Variants in ADAMTSL1 observed in about 807,000 individuals in gnomAD.
ADAMTSL1 encodes the protein ADAMTS like 1.
Under a neutral mutation model 201.8 loss-of-function variants are expected in ADAMTSL1, and 126 were observed. That is an observed-to-expected ratio of 0.62 (90% CI 0.54 to 0.72). The LOEUF is 0.72. ADAMTSL1 is among the 30% of genes least tolerant of loss of function. ADAMTSL1 has a pLI of 0.00. For synonymous variants in ADAMTSL1, 1,121 were observed against 903.4 expected, an observed-to-expected ratio of 1.24 and a Z score of -4.32; for missense variants, 2,679 against 2,277.8, an observed-to-expected ratio of 1.18 and a Z score of -3.59.
chr9:18,354,364 G>T (rs1405844158), intron 2 of ADAMTSL1, among the ~76,000 whole-genome samples: 1 of 152,052 alleles, frequency 6.6e-6, no homozygotes, highest in Non-Finnish European at 1.5e-5. Context: ...TAAGTTGTTA[G>T]ATAGGTTTTT....
chr9:17,964,972 C>T (rs946166446), intron 1 of ADAMTSL1, among the ~76,000 whole-genome samples: 55 of 152,166 alleles, frequency 3.6e-4, no homozygotes, highest in African/African-American at 1.3e-3. Flanking sequence ...AGGCTGGTCT[C>T]AAGCTCCTGG....
chr9:18,693,271 T>G (rs1206664986), intron 13 of ADAMTSL1, among the ~76,000 whole-genome samples: 4 of 152,240 alleles, frequency 2.6e-5, no homozygotes, highest in African/African-American at 9.6e-5. Flanking sequence ...AATGACATTT[T>G]ATTGATATTT....
intron 7 of ADAMTSL1, among the ~76,000 whole-genome samples, chr9:18,653,993 C>T (rs7850738): frequency 2.0e-5 from 3 of 152,276 alleles, no homozygotes; most frequent in African/African-American, 7.2e-5. Context: ...TTTGGGAGGC[C>T]GAGGCGGGTG....
chr9:18,866,884 G>A (rs1827570493), intron 23 of ADAMTSL1, among the ~76,000 whole-genome samples: 1 of 152,148 alleles, frequency 6.6e-6, no homozygotes, highest in South Asian at 2.1e-4. Context: ...TGACATCTCT[G>A]GAGTGTTGCC....
At chr9:18,587,729 T>C (rs1044753638) in intron 4 of ADAMTSL1, among the ~76,000 whole-genome samples, 8 of 152,182 alleles carry the variant, frequency 5.3e-5, no homozygotes, top group Non-Finnish European at 1.0e-4. Flanking sequence ...AGTGAGAACA[T>C]GCAATATTTG....
In ADAMTSL1 at chr9:18,070,388, C is replaced by T. The variant is rs189157204; in HGVS notation, c.88-93474C>T. On this transcript the variant is annotated intron_variant, in intron 1 of 29. Coordinates refer to the ADAMTSL1 transcript ENST00000680146. Reference sequence around the variant, plus strand: ...GTGGCTGGCTGGAAAATTAACAGAACGAGAAGAAATAGGGATGATAGACTC... The same window carrying T: ...GTGGCTGGCTGGAAAATTAACAGAATGAGAAGAAATAGGGATGATAGACTC... Among the ~76,000 whole-genome samples the T allele has an allele frequency of 1.1e-4, 17 of 152,004 alleles. No individual in the cohort carries two copies. In the East Asian group the frequency reaches 2.1e-3, roughly 19 times the overall value.
chr9:18,414,271 C>T (rs897934598), intron 2 of ADAMTSL1, among the ~76,000 whole-genome samples: 2 of 152,132 alleles, frequency 1.3e-5, no homozygotes, highest in Non-Finnish European at 2.9e-5. Flanking sequence ...ACATCTGGAA[C>T]GTATTCTCCC....
chr9:18,033,530 G>GA, intron 1 of ADAMTSL1, among the ~76,000 whole-genome samples: 1 of 152,210 alleles, frequency 6.6e-6, no homozygotes, highest in African/African-American at 2.4e-5. Context: ...CTAAAAAACT[G>GA]AAAAAAGGTT....
At chr9:18,113,158 G>A (rs1188506555) in intron 1 of ADAMTSL1, among the ~76,000 whole-genome samples, 1 of 152,126 alleles carries the variant, frequency 6.6e-6, no homozygotes, top group Non-Finnish European at 1.5e-5. Context: ...TGTGAAAAAT[G>A]GGTGAAAATT....
At chr9:17,928,650 C>T (rs1826652421) in intron 1 of ADAMTSL1, among the ~76,000 whole-genome samples, 1 of 152,128 alleles carries the variant, frequency 6.6e-6, no homozygotes, top group African/African-American at 2.4e-5. Context: ...TGGCTCACAC[C>T]TGTAATCCCA....
intron 4 of ADAMTSL1, among the ~76,000 whole-genome samples, chr9:18,602,515 T>A (rs911844784): frequency 6.6e-6 from 1 of 152,238 alleles, no homozygotes; most frequent in Non-Finnish European, 1.5e-5. Flanking sequence ...ACTGGGCTTC[T>A]AATCTGGTTC....
intron 1 of ADAMTSL1, among the ~76,000 whole-genome samples, chr9:17,939,313 T>A (rs1329170849): frequency 1.3e-5 from 2 of 151,126 alleles, no homozygotes; most frequent in African/African-American, 2.4e-5. Context: ...TTTTTTTAAC[T>A]CTCACAACCA....
chr9:18,076,670 T>A (rs1377325100), intron 1 of ADAMTSL1, among the ~76,000 whole-genome samples: 1 of 152,204 alleles, frequency 6.6e-6, no homozygotes, highest in Non-Finnish European at 1.5e-5. Flanking sequence ...GCAGCTAATG[T>A]TGGCCAGTGT....
At chr9:18,280,394 G>A (rs1009964972) in intron 2 of ADAMTSL1, among the ~76,000 whole-genome samples, 3 of 136,984 alleles carry the variant, frequency 2.2e-5, no homozygotes, top group African/African-American at 8.1e-5. Context: ...TAATCAGCTT[G>A]TTTATCTCTC....
At chr9:18,187,364 G>A (rs1342970472) in intron 2 of ADAMTSL1, among the ~76,000 whole-genome samples, 1 of 152,060 alleles carries the variant, frequency 6.6e-6, no homozygotes, top group Non-Finnish European at 1.5e-5. Flanking sequence ...GATTTTAAAT[G>A]AATTTCAAAG....
At chr9:18,300,322 G>A (rs1833655080) in intron 2 of ADAMTSL1, among the ~76,000 whole-genome samples, 2 of 152,162 alleles carry the variant, frequency 1.3e-5, no homozygotes, top group South Asian at 4.1e-4. Context: ...GGACGTGGAT[G>A]AAGCTGGAAA....
At chr9:18,710,793 G>C (rs1587952620) in intron 14 of ADAMTSL1, among the ~76,000 whole-genome samples, 1 of 149,282 alleles carries the variant, frequency 6.7e-6, no homozygotes, top group Non-Finnish European at 1.5e-5. Context: ...GCTCCTTGTT[G>C]GATGGACACA....
chr9:18,518,286 C>A (rs773676482), intron 2 of ADAMTSL1, among the ~76,000 whole-genome samples: 5 of 152,070 alleles, frequency 3.3e-5, no homozygotes, highest in African/African-American at 9.7e-5. Context: ...AGTTTTTCCA[C>A]CCCGCCCCCC....
At chr9:18,188,510 C>G (rs1035947056) in intron 2 of ADAMTSL1, among the ~76,000 whole-genome samples, 43 of 152,170 alleles carry the variant, frequency 2.8e-4, no homozygotes, top group African/African-American at 1.0e-3. Context: ...TTTACTTTTA[C>G]TAGATGAGAA....
Sources: allele counts gnomAD v4.1 joint callset (sites outside exome capture counted in the v4.1 genomes callset), GRCh38; gene constraint gnomAD v4.1.1; transcripts MANE v1.5; gene names NCBI Gene and HGNC (gene_info 2026-07-23, HGNC 2026-07-21).